Variants in MYT1L observed in about 807,000 individuals in gnomAD.
MYT1L encodes myelin transcription factor 1 like, also known as myelin transcription factor 1-like protein.
MYT1L carries 12 observed loss-of-function variants against 126.7 expected under a neutral mutation model. The ratio of observed to expected loss-of-function variants is 0.09; its 90% CI spans 0.06 to 0.15. The LOEUF is 0.15. Among genes scored for constraint, MYT1L ranks in the 10% least tolerant of loss-of-function variants. The pLI, the probability that MYT1L is intolerant of heterozygous loss-of-function variation, is 1.00. For synonymous variants in MYT1L, 541 were observed against 604.2 expected, an observed-to-expected ratio of 0.90 and a Z score of 1.53; for missense variants, 979 against 1,585.2, an observed-to-expected ratio of 0.62 and a Z score of 6.49.
At chr2:1,967,663 G>A (rs1263631058) in intron 8 of MYT1L, among the ~76,000 whole-genome samples, 1 of 152,216 alleles carries the variant, frequency 6.6e-6, no homozygotes, top group African/African-American at 2.4e-5. Context: ...AGCTGCAGCA[G>A]GGACTTCAGG....
chr2:2,006,881 T>A (rs2063379603), intron 4 of MYT1L, among the ~76,000 whole-genome samples: 1 of 150,856 alleles, frequency 6.6e-6, no homozygotes, highest in Non-Finnish European at 1.5e-5. Context: ...CAGGCTGAGC[T>A]CTTTAGGAAA....
At chr2:2,288,045 G>A (rs2095548576) in intron 1 of MYT1L, among the ~76,000 whole-genome samples, 1 of 152,152 alleles carries the variant, frequency 6.6e-6, no homozygotes, top group South Asian at 2.1e-4. Flanking sequence ...TCCCTAGATA[G>A]ATCATCTGGT....
chr2:1,915,479 CAGA>C (rs66623969), intron 11 of MYT1L, among the ~76,000 whole-genome samples: 4,374 of 152,268 alleles, frequency 0.029, 91 homozygotes, highest in Non-Finnish European at 0.046. Flanking sequence ...AACAGGGAGT[CAGA>C]AGAATTTCCC....
intron 5 of MYT1L, among the ~76,000 whole-genome samples, chr2:1,984,967 GTCC>G (rs1162661581): frequency 6.6e-6 from 1 of 152,072 alleles, no homozygotes; most frequent in Non-Finnish European, 1.5e-5. Flanking sequence ...GACCAGCAAG[GTCC>G]TCCTAACCCG....
intron 8 of MYT1L, among the ~76,000 whole-genome samples, chr2:1,959,891 AT>A (rs1341834826): frequency 6.6e-6 from 1 of 152,232 alleles, no homozygotes; most frequent in Non-Finnish European, 1.5e-5. Context: ...CTTATTATGA[AT>A]TATACATTTA....
At chr2:1,816,864 G>A (rs973162106) in intron 21 of MYT1L, 2 of 152,546 alleles carry the variant, frequency 1.3e-5, no homozygotes, top group African/African-American at 4.8e-5. Flanking sequence ...TAGGGTGAGA[G>A]GTAGACGAGA....
At chr2:1,810,529 C>A (rs961531656) in intron 21 of MYT1L, among the ~76,000 whole-genome samples, 16 of 152,262 alleles carry the variant, frequency 1.1e-4, no homozygotes, top group Admixed American at 7.8e-4. Flanking sequence ...GTTAGATGGA[C>A]CGTGTCCGTA....
At chr2:2,302,298 T>C (rs2095797350) in intron 1 of MYT1L, among the ~76,000 whole-genome samples, 1 of 152,268 alleles carries the variant, frequency 6.6e-6, no homozygotes, top group Non-Finnish European at 1.5e-5. Context: ...ATTACCTAAC[T>C]TATTAGTCAG....
intron 21 of MYT1L, among the ~76,000 whole-genome samples, chr2:1,812,519 C>A (rs2036828611): frequency 6.6e-6 from 1 of 152,088 alleles, no homozygotes; most frequent in Non-Finnish European, 1.5e-5. Flanking sequence ...CACCCAGGCT[C>A]TGGAAGGTGC....
chr2:2,312,395 G>A (rs1024381786), intron 1 of MYT1L, among the ~76,000 whole-genome samples: 17 of 152,000 alleles, frequency 1.1e-4, no homozygotes, highest in Admixed American at 1.1e-3. Flanking sequence ...TGGATCGCTC[G>A]AGCTCAGGAG....
At position 1,892,506 on chromosome 2, in the gene MYT1L, CTT is replaced by C. The variant is rs5828877; in HGVS notation, c.2033-221_2033-220del. On this transcript the variant is annotated intron_variant, in intron 14 of 24. Coordinates refer to ENST00000647738, the MANE Select transcript of MYT1L (RefSeq NM_001303052.2). Reference sequence around the variant, plus strand: ...CTTTTTTCTTCTTTTTTCCTTTTTCCTTTTTTTTTTTTTTTTTGCCCTGGAGG... The same window carrying C: ...CTTTTTTCTTCTTTTTTCCTTTTTCCTTTTTTTTTTTTTTTGCCCTGGAGG... 4.1e-3 allele frequency among the ~76,000 whole-genome samples: 551 copies of C among 134,246 alleles called. 1 individual carries two copies. The highest frequency in any genetic ancestry group is 0.014 in the African/African-American group (490 of 34,900). The allele number at this position is 134,246 out of a possible 152,430, so 88.1% of individuals were successfully genotyped here. A position where few individuals can be genotyped will look rare whatever the true frequency, so the allele number is the denominator to read the frequency against.
chr2:2,313,490 T>C (rs949872720), intron 1 of MYT1L, among the ~76,000 whole-genome samples: 6 of 151,668 alleles, frequency 4.0e-5, no homozygotes, highest in East Asian at 1.9e-4. Context: ...AGGCTTTACT[T>C]AGTTTGAAAT....
In MYT1L at chr2:1,805,285, G is replaced by A. The variant is rs191108943; in HGVS notation, c.3173-3486C>T. Among the ~76,000 whole-genome samples, 277 of 152,290 alleles carry A rather than the reference G, an allele frequency of 1.8e-3. 1 individual carries two copies. Among genetic ancestry groups the A allele is most frequent in the African/African-American group, 6.3e-3 (262 of 41,564 alleles). On this transcript the variant is annotated intron_variant, in intron 22 of 24. Coordinates refer to ENST00000647738, the MANE Select transcript of MYT1L (RefSeq NM_001303052.2). ...TTCAGACAAATGCTCAAGAGAAAGCGCTAAAATCCAGTGCCAGGGTCCTTC... is the reference window on the plus strand; with the variant it reads ...TTCAGACAAATGCTCAAGAGAAAGCACTAAAATCCAGTGCCAGGGTCCTTC...
At chr2:2,002,085 T>C (rs771649909) in intron 4 of MYT1L, among the ~76,000 whole-genome samples, 7 of 152,238 alleles carry the variant, frequency 4.6e-5, no homozygotes, top group Non-Finnish European at 8.8e-5. Flanking sequence ...TCTTAATATG[T>C]ATGACATCCT....
At chr2:2,288,364 A>C (rs2095552784) in intron 1 of MYT1L, among the ~76,000 whole-genome samples, 1 of 152,260 alleles carries the variant, frequency 6.6e-6, no homozygotes, top group Non-Finnish European at 1.5e-5. Context: ...AACTTTAAAA[A>C]AATTAGATCA....
In MYT1L at chr2:2,188,621, C is replaced by T. The variant is rs529646456; in HGVS notation, c.-420-15633G>A. Among the ~76,000 whole-genome samples the T allele has an allele frequency of 3.9e-5, 6 of 152,254 alleles. No homozygotes were observed. In the South Asian group the frequency reaches 1.2e-3, roughly 32 times the overall value. On this transcript the variant is annotated intron_variant, in intron 2 of 24. Transcript: ENST00000647738. ...GCATAATGAAAGCCAGGGTGCAGCCCTAATAGGAAATCCAATGTTCTGTGT... is the reference window on the plus strand; with the variant it reads ...GCATAATGAAAGCCAGGGTGCAGCCTTAATAGGAAATCCAATGTTCTGTGT...
At chr2:2,096,706 A>T (rs1308404160) in intron 3 of MYT1L, among the ~76,000 whole-genome samples, 1 of 151,900 alleles carries the variant, frequency 6.6e-6, no homozygotes, top group Non-Finnish European at 1.5e-5. Context: ...AGGTGTGGAG[A>T]GTGTGGAGTT....
chr2:2,225,122 TCA>T (rs2093975761), intron 2 of MYT1L, among the ~76,000 whole-genome samples: 1 of 151,314 alleles, frequency 6.6e-6, no homozygotes, highest in South Asian at 2.1e-4. Context: ...TTTTTTTTTC[TCA>T]GTCTCCTTGC....
chr2:1,993,080 A>G (rs2061565394), intron 5 of MYT1L, among the ~76,000 whole-genome samples: 3 of 152,146 alleles, frequency 2.0e-5, no homozygotes, highest in South Asian at 4.1e-4. Flanking sequence ...CCACCAAGTT[A>G]TCCTTAAAAA....
Sources: allele counts gnomAD v4.1 joint callset (sites outside exome capture counted in the v4.1 genomes callset), GRCh38; gene constraint gnomAD v4.1.1; transcripts MANE v1.5; gene names NCBI Gene and HGNC (gene_info 2026-07-23, HGNC 2026-07-21).